Variants in PIEZO2 observed in about 807,000 individuals in gnomAD.
The protein encoded by PIEZO2 is piezo-type mechanosensitive ion channel component 2.
Under a neutral mutation model 337.3 loss-of-function variants are expected in PIEZO2, and 172 were observed. The observed-to-expected ratio is 0.51, with a 90% CI of 0.45 to 0.58. PIEZO2 has a LOEUF of 0.58. PIEZO2 is among the 20% of genes least tolerant of loss of function. PIEZO2 has a pLI of 0.00. For synonymous variants in PIEZO2, 1,251 were observed against 1,228.5 expected (o/e 1.02, Z -0.38); for missense variants, 3,028 against 3,391.3 (o/e 0.89, Z 2.66).
chr18:11,015,729 C>T (rs2036095976), intron 2 of PIEZO2, among the ~76,000 whole-genome samples: 2 of 152,114 alleles, frequency 1.3e-5, no homozygotes, highest in Admixed American at 1.3e-4. Flanking sequence ...ACGACTCTTG[C>T]AGCCCTGGTA....
chr18:10,864,745 A>C (rs7230684), intron 5 of PIEZO2, among the ~76,000 whole-genome samples: 2 of 152,036 alleles, frequency 1.3e-5, no homozygotes, highest in Non-Finnish European at 2.9e-5. Context: ...GTGGGGACAA[A>C]AGCATCCATG....
Position 10,980,384 on chromosome 18 carries a change from C to G in PIEZO2, c.161-724G>C, listed in dbSNP as rs578176820. Among the ~76,000 whole-genome samples, 17 of 152,032 alleles carry G rather than the reference C, an allele frequency of 1.1e-4. No individual in the cohort carries two copies. The East Asian group carries it at 3.1e-3, about 28-fold the overall frequency. On this transcript the variant is annotated intron_variant, in intron 2 of 55. Transcript: ENST00000674853. The surrounding 1 kb of genome is among the most constrained non-coding windows in gnomAD (Gnocchi z 4.8). The stretch of plus-strand genomic sequence containing the variant: ...AAAAAAAAGGAATGGAAGGAAACAT[C>G]CTTAAAGGATTTATAATAAAGCAAA...
At chr18:10,732,573 T>C (rs948766365) in intron 35 of PIEZO2, among the ~76,000 whole-genome samples, 2 of 152,232 alleles carry the variant, frequency 1.3e-5, no homozygotes, top group Non-Finnish European at 2.9e-5. Flanking sequence ...TTTCTTTTTT[T>C]CTCACTGGTA....
intron 3 of PIEZO2, among the ~76,000 whole-genome samples, chr18:10,923,296 T>C (rs1318564079): frequency 6.6e-6 from 1 of 152,204 alleles, no homozygotes; most frequent in East Asian, 1.9e-4. Context: ...CTTCATGATA[T>C]AATGAAATAA....
chr18:10,910,377 G>A (rs2030359812), intron 4 of PIEZO2, among the ~76,000 whole-genome samples: 1 of 152,204 alleles, frequency 6.6e-6, no homozygotes, highest in Non-Finnish European at 1.5e-5. Context: ...GAGGTCAGGA[G>A]TACAAGACCA....
chr18:10,950,686 A>T (rs990968838), intron 3 of PIEZO2, among the ~76,000 whole-genome samples: 8 of 152,192 alleles, frequency 5.3e-5, no homozygotes, highest in Admixed American at 3.9e-4. Context: ...AGGATTTCAA[A>T]CACAAACCTG....
chr18:11,033,975 A>AG lies in PIEZO2; in HGVS notation c.160+32151dup, dbSNP rs2036829372. Among the ~76,000 whole-genome samples the AG allele has an allele frequency of 6.6e-6, 1 of 152,154 alleles. No individual in the cohort carries two copies. The highest frequency in any genetic ancestry group is 1.5e-5 in the Non-Finnish European group (1 of 68,036). On this transcript the variant is annotated intron_variant, in intron 2 of 55. Coordinates refer to ENST00000674853, the MANE Select transcript of PIEZO2 (RefSeq NM_001378183.1). This position sits in a 1 kb window ranked among gnomAD's most constrained non-coding sequence, Gnocchi z 4.2. ...TAATGTTGTGCTGATTTGAAACTGA[A>AG]GGGGAAAAAAACCCTCAGATTTAAA...
chr18:10,845,828 G>A lies in PIEZO2; in HGVS notation c.917+9525C>T, dbSNP rs1620676. On this transcript the variant is annotated intron_variant, in intron 7 of 55. Transcript: ENST00000674853. ...TTTATTTTAAGCATCAAGGATAAAG[G>A]TCTTTTGGAGTTTCTCAAATAAATA... Among the ~76,000 whole-genome samples, 350 of 152,196 alleles carry A rather than the reference G, an allele frequency of 2.3e-3. 4 individuals are homozygous for A. The highest frequency in any genetic ancestry group is 8.0e-3 in the African/African-American group (330 of 41,508).
chr18:11,080,560 C>T lies in PIEZO2; in HGVS notation c.65-14338G>A, dbSNP rs1447365352. 3.3e-5 allele frequency among the ~76,000 whole-genome samples: 5 copies of T among 152,130 alleles called. No individual in the cohort carries two copies. The highest frequency in any genetic ancestry group is 7.4e-5 in the Non-Finnish European group (5 of 67,994). On this transcript the variant is annotated intron_variant, in intron 1 of 55. Coordinates refer to ENST00000674853, the MANE Select transcript of PIEZO2 (RefSeq NM_001378183.1). The surrounding 1 kb of genome is among the most constrained non-coding windows in gnomAD (Gnocchi z 5.4). ...CTTCCTTGGCCCTCAAAAACAGAGG[C>T]ATCAGGCCAGGTGCGGGGCTCACGC...
At chr18:10,983,537 T>G (rs1283752671) in intron 2 of PIEZO2, among the ~76,000 whole-genome samples, 1 of 152,098 alleles carries the variant, frequency 6.6e-6, no homozygotes, top group Non-Finnish European at 1.5e-5. Flanking sequence ...CCCAGAGCAC[T>G]GAAGGAATAA....
chr18:10,832,685 G>A (rs995584391), intron 7 of PIEZO2, among the ~76,000 whole-genome samples: 4 of 152,164 alleles, frequency 2.6e-5, no homozygotes, highest in Non-Finnish European at 4.4e-5. Flanking sequence ...GTACCGCTCT[G>A]CAATTCCATC....
At chr18:10,749,277 T>C (rs960697645) in intron 29 of PIEZO2, among the ~76,000 whole-genome samples, 1 of 151,830 alleles carries the variant, frequency 6.6e-6, no homozygotes, top group African/African-American at 2.4e-5. Context: ...CTGGGCAACA[T>C]CTCTACAAAA....
intron 7 of PIEZO2, among the ~76,000 whole-genome samples, chr18:10,827,274 G>T (rs1020756005): frequency 5.9e-5 from 9 of 151,876 alleles, no homozygotes; most frequent in African/African-American, 1.9e-4. Flanking sequence ...AATTTTAAAG[G>T]TTCTTTTTAA....
chr18:10,878,858 G>T lies in PIEZO2; in HGVS notation c.330-7443C>A, dbSNP rs958994356. Among the ~76,000 whole-genome samples, 1 of 152,086 alleles carries T rather than the reference G, an allele frequency of 6.6e-6. No homozygotes were observed. The highest frequency in any genetic ancestry group is 1.5e-5 in the Non-Finnish European group (1 of 68,018). On this transcript the variant is annotated intron_variant, in intron 4 of 55. Coordinates refer to ENST00000674853, the MANE Select transcript of PIEZO2 (RefSeq NM_001378183.1). The surrounding 1 kb of genome is among the most constrained non-coding windows in gnomAD (Gnocchi z 4.3). ...GGACAAACATGATCCCCAAGGAAAT[G>T]AAGGCCACAGGAGAAACAGTGACGT...
At chr18:10,887,065 CTTTT>C (rs143421507) in intron 4 of PIEZO2, among the ~76,000 whole-genome samples, 3 of 91,406 alleles carry the variant, frequency 3.3e-5, no homozygotes, top group South Asian at 4.4e-4. Context: ...AGGTGACACA[CTTTT>C]TTTTTTTTTT....
At chr18:11,079,404 G>A (rs1233627571) in intron 1 of PIEZO2, among the ~76,000 whole-genome samples, 1 of 152,118 alleles carries the variant, frequency 6.6e-6, no homozygotes, top group Admixed American at 6.6e-5. Flanking sequence ...CTTTTACTGG[G>A]GGACAAGTAG....
Position 10,807,187 on chromosome 18 carries a change from G to C in PIEZO2, c.1005C>G (p.His335Gln). ...TCACCAGCAGGAGGATAGGGTTGGC[G>C]TGGTGGTACCACGACAGGTCCGGGT... is the stretch of plus-strand genomic sequence containing the variant. ...IVNPDLSWYH[H>Q]ANPILLLVMY... Residue 335 changes from histidine to glutamine, a missense_variant, in exon 8 of 56, where the codon CAC becomes CAG. This residue lies in a region of PIEZO2 where 542 missense variants were observed against 605.6 expected (regional missense o/e 0.89). Coordinates refer to ENST00000674853, the MANE Select transcript of PIEZO2 (RefSeq NM_001378183.1). 2.0e-6 allele frequency: 3 copies of C among 1,537,226 alleles called. No individual in the cohort carries two copies. The highest frequency in any genetic ancestry group is 2.6e-6 in the Non-Finnish European group (3 of 1,146,850).
chr18:11,144,831 T>C (rs892402497), intron 1 of PIEZO2, among the ~76,000 whole-genome samples: 2 of 152,158 alleles, frequency 1.3e-5, no homozygotes, highest in Non-Finnish European at 2.9e-5. Flanking sequence ...GGCTTCCCCT[T>C]TCTTCCCCCT....
chr18:10,811,034 C>T (rs2040169689), intron 7 of PIEZO2, among the ~76,000 whole-genome samples: 1 of 152,150 alleles, frequency 6.6e-6, no homozygotes, highest in Non-Finnish European at 1.5e-5. Context: ...TAAGTTTTGT[C>T]GTAAGCATTG....
Sources: allele counts gnomAD v4.1 joint callset (sites outside exome capture counted in the v4.1 genomes callset), GRCh38; gene constraint gnomAD v4.1.1; regional missense constraint gnomAD v4.1.1; non-coding constraint Gnocchi (gnomAD v3.1); transcripts MANE v1.5; gene names NCBI Gene and HGNC (gene_info 2026-07-23, HGNC 2026-07-21).